Variants in ZMYM4 observed in about 807,000 individuals in gnomAD.
ZMYM4 encodes zinc finger MYM-type containing 4, also known as zinc finger MYM-type protein 4.
In ZMYM4, 31 loss-of-function variants were observed where a neutral mutation model predicts 183.2. That is an observed-to-expected ratio of 0.17 (90% confidence interval 0.13 to 0.23). The LOEUF (loss-of-function observed/expected upper bound fraction) is 0.23, where lower values mean the gene tolerates loss of function less well. Ranked by LOEUF, ZMYM4 falls within the 10% of genes least tolerant of loss-of-function variation. The pLI, the probability that ZMYM4 is intolerant of heterozygous loss-of-function variation, is 1.00. For missense variants in ZMYM4, 1,273 were observed against 1,840.3 expected (o/e 0.69, Z 5.64); for synonymous variants, 592 against 631.2 (o/e 0.94, Z 0.93).
intron 1 of ZMYM4, among the ~76,000 whole-genome samples, chr1:35,317,401 C>G (rs1448180906): frequency 6.6e-6 from 1 of 152,086 alleles, no homozygotes. Flanking sequence ...CCATTGCCCT[C>G]CAGCCTGGGC....
intron 1 of ZMYM4, among the ~76,000 whole-genome samples, chr1:35,310,589 T>A (rs1245654017): frequency 6.6e-6 from 1 of 152,148 alleles, no homozygotes. Context: ...TTTCTTTTCT[T>A]TTTTTTGAGA....
At chr1:35,350,487 A>G (rs1409200447) in intron 2 of ZMYM4, among the ~76,000 whole-genome samples, 1 of 152,122 alleles carries the variant, frequency 6.6e-6, no homozygotes, top group African/African-American at 2.4e-5. Flanking sequence ...GGGTTTTGCC[A>G]TGTTGGCTAG....
intron 2 of ZMYM4, among the ~76,000 whole-genome samples, chr1:35,358,070 T>A (rs1643871135): frequency 6.6e-6 from 1 of 152,140 alleles, no homozygotes; most frequent in Admixed American, 6.5e-5. Context: ...CATTAGGAGA[T>A]CATTGATGAT....
Position 35,370,010 on chromosome 1 carries a change from A to AT in ZMYM4, c.841-12dup, listed in dbSNP as rs1270005527. The AT allele has an allele frequency of 5.7e-6, 9 of 1,568,958 alleles. No homozygotes were observed. Among genetic ancestry groups the AT allele is most frequent in the South Asian group, 1.1e-5 (1 of 87,720 alleles). On this transcript the variant is annotated intron_variant, in intron 5 of 29. Transcript: ENST00000314607. Reference sequence around the variant, plus strand: ...TATTCTTTTCTCTATGTATTTATTTATTTTTTTCTTCTTTAAAGGAGTATA... The same window carrying AT: ...TATTCTTTTCTCTATGTATTTATTTATTTTTTTTCTTCTTTAAAGGAGTATA...
intron 15 of ZMYM4, among the ~76,000 whole-genome samples, chr1:35,390,393 T>C (rs1644678213): frequency 6.6e-6 from 1 of 151,670 alleles, no homozygotes; most frequent in African/African-American, 2.4e-5. Context: ...GGGGCCGTTT[T>C]ATAAGATTTG....
intron 1 of ZMYM4, among the ~76,000 whole-genome samples, chr1:35,288,334 A>G (rs144483910): frequency 6.6e-6 from 1 of 152,334 alleles, no homozygotes; most frequent in African/African-American, 2.4e-5. Context: ...CTTTGAGGTA[A>G]CAAGTTGGCT....
chr1:35,270,938 A>C (rs929977850), intron 1 of ZMYM4, among the ~76,000 whole-genome samples: 1 of 152,206 alleles, frequency 6.6e-6, no homozygotes, highest in Non-Finnish European at 1.5e-5. Flanking sequence ...TGTTGGATTC[A>C]CCTAATGCAA....
At chr1:35,413,338 A>G (rs1266702451) in intron 26 of ZMYM4, among the ~76,000 whole-genome samples, 2 of 152,122 alleles carry the variant, frequency 1.3e-5, no homozygotes, top group Non-Finnish European at 2.9e-5. Flanking sequence ...GGCTCAATAC[A>G]TTTTTAAACT....
intron 2 of ZMYM4, chr1:35,351,283 A>G (rs1570413095): frequency 6.3e-7 from 1 of 1,581,486 alleles, no homozygotes; most frequent in East Asian, 2.2e-5. Flanking sequence ...GAAAGCAAGG[A>G]ATTTAATGCA....
At position 35,371,062 on chromosome 1, in the gene ZMYM4, A is replaced by T. The variant is rs565003611; in HGVS notation, c.1181+435A>T. On this transcript the variant is annotated intron_variant, in intron 7 of 29. Transcript: ENST00000314607. ...TTCTTCTTAACCTTAAATGGCTTCC[A>T]GTGTGTGTGTGTGTGTGTGTGTGTG... is the stretch of plus-strand genomic sequence containing the variant. 1.5e-3 allele frequency among the ~76,000 whole-genome samples: 186 copies of T among 126,086 alleles called. 2 individuals carry two copies. The highest frequency in any genetic ancestry group is 2.3e-3 in the Non-Finnish European group (139 of 60,176). 82.7% of individuals were successfully genotyped at this position (126,086 alleles called of 152,430 possible).
At position 35,268,806 on chromosome 1, in the gene ZMYM4, G is replaced by A. The variant is rs1180683666; in HGVS notation, c.-241G>A. On this transcript the variant is annotated 5_prime_UTR_variant, in exon 1 of 30. Coordinates refer to ENST00000314607, the MANE Select transcript of ZMYM4 (RefSeq NM_005095.3). ...CCCTTGGAGGCCATTAACCCCCCGA[G>A]TCCCGGCCCCCACCCCGTCCCCGGG... Among the ~76,000 whole-genome samples, 1 of 152,220 alleles carries A rather than the reference G, an allele frequency of 6.6e-6. No homozygotes were observed. Among genetic ancestry groups the A allele is most frequent in the Non-Finnish European group, 1.5e-5 (1 of 68,030 alleles).
chr1:35,349,613 A>C (rs1026904272), intron 2 of ZMYM4, among the ~76,000 whole-genome samples: 1 of 152,008 alleles, frequency 6.6e-6, no homozygotes. Flanking sequence ...GGGTCACTTA[A>C]GGTCAGGAGT....
rs547007808 is a variant in ZMYM4, at chr1:35,402,393, A to G, written c.3529-2630A>G. On this transcript the variant is annotated intron_variant, in intron 23 of 29. Transcript: ENST00000314607. ...TACTTTGGGAGGCTAAGGCAGAAGG[A>G]TTGTTTGAGCCCAGGAGTTTGAGAC... is the stretch of plus-strand genomic sequence containing the variant. Among the ~76,000 whole-genome samples the G allele has an allele frequency of 1.1e-4, 16 of 152,230 alleles. No homozygotes were observed. The East Asian group carries it at 3.1e-3, about 29-fold the overall frequency.
intron 13 of ZMYM4, among the ~76,000 whole-genome samples, chr1:35,388,704 T>C (rs984341793): frequency 6.6e-6 from 1 of 151,928 alleles, no homozygotes; most frequent in Admixed American, 6.6e-5. Flanking sequence ...TTTCTTTTTT[T>C]TGTTTTTGTT....
chr1:35,299,615 G>C (rs1641181242), intron 1 of ZMYM4, among the ~76,000 whole-genome samples: 1 of 152,168 alleles, frequency 6.6e-6, no homozygotes, highest in African/African-American at 2.4e-5. Flanking sequence ...CTAAAGTGAA[G>C]TTACAAAGTT....
intron 1 of ZMYM4, among the ~76,000 whole-genome samples, chr1:35,310,653 A>G (rs1055784672): frequency 1.1e-4 from 17 of 152,056 alleles, no homozygotes; most frequent in Non-Finnish European, 4.4e-5. Flanking sequence ...ATCTCAGCTC[A>G]CTGCAACCTC....
At chr1:35,373,592 A>AC (rs1448057097) in intron 7 of ZMYM4, among the ~76,000 whole-genome samples, 5 of 137,018 alleles carry the variant, frequency 3.6e-5, no homozygotes, top group African/African-American at 1.4e-4. Context: ...ATGGCGTTTC[A>AC]CCATGTTGGT....
intron 2 of ZMYM4, among the ~76,000 whole-genome samples, chr1:35,355,794 C>T (rs552010444): frequency 6.6e-5 from 10 of 152,058 alleles, no homozygotes; most frequent in East Asian, 1.9e-4. Flanking sequence ...ATAATTCTTC[C>T]GTAGTTTATT....
chr1:35,323,657 A>G (rs1481121946), intron 1 of ZMYM4, among the ~76,000 whole-genome samples: 1 of 151,410 alleles, frequency 6.6e-6, no homozygotes, highest in Non-Finnish European at 1.5e-5. Context: ...CATTCTCCTC[A>G]TTCTCCTGCC....
Sources: gnomAD v4.1 joint callset for allele counts (sites outside exome capture counted in the v4.1 genomes callset) on GRCh38, gnomAD v4.1.1 for gene constraint, MANE v1.5 for transcripts, NCBI Gene and HGNC (gene_info 2026-07-23, HGNC 2026-07-21) for gene names.